Variants in FBXW11 observed in about 807,000 individuals in gnomAD.
FBXW11 encodes the protein F-box/WD repeat-containing protein 11.
In FBXW11, 19 loss-of-function variants were observed where a neutral mutation model predicts 77.6. The observed-to-expected ratio is 0.24, with a 90% CI of 0.17 to 0.36. The LOEUF (loss-of-function observed/expected upper bound fraction) is 0.36. Among genes scored for constraint, FBXW11 ranks in the 10% least tolerant of loss-of-function variants. FBXW11 has a pLI of 1.00. For missense variants in FBXW11, 334 were observed against 704.2 expected (o/e 0.47, Z 5.95); for synonymous variants, 235 against 249.4 (o/e 0.94, Z 0.54).
chr5:171,873,020 A>C, intron 9 of FBXW11, 30 bp from the exon 10 acceptor site: 1 of 1,567,880 alleles, frequency 6.4e-7, no homozygotes, highest in Non-Finnish European at 8.8e-7. Flanking sequence ...TATTTTAAAG[A>C]ATGAACACAG....
At chr5:171,930,387 A>C (rs547150070) in intron 2 of FBXW11, among the ~76,000 whole-genome samples, 2 of 152,260 alleles carry the variant, frequency 1.3e-5, no homozygotes, top group African/African-American at 4.8e-5. Flanking sequence ...GTTCCCTCTC[A>C]ACACTGGTTT....
intron 4 of FBXW11, among the ~76,000 whole-genome samples, chr5:171,902,811 T>C (rs184558856): frequency 6.6e-6 from 1 of 152,344 alleles, no homozygotes; most frequent in East Asian, 1.9e-4. Context: ...CCTACTTGTC[T>C]ATAGGAGCTA....
intron 2 of FBXW11, among the ~76,000 whole-genome samples, chr5:171,938,875 T>C (rs1176237820): frequency 6.6e-6 from 1 of 152,222 alleles, no homozygotes; most frequent in Non-Finnish European, 1.5e-5. Flanking sequence ...ACTTTCAGTA[T>C]ACACCTTTAG....
chr5:171,881,690 CAGT>C (rs1417614452), intron 7 of FBXW11, among the ~76,000 whole-genome samples: 8 of 152,142 alleles, frequency 5.3e-5, no homozygotes, highest in African/African-American at 1.9e-4. Context: ...CAGAATTCAC[CAGT>C]AACTCATCTG....
At chr5:171,945,592 T>C (rs1359991036) in intron 2 of FBXW11, among the ~76,000 whole-genome samples, 1 of 152,214 alleles carries the variant, frequency 6.6e-6, no homozygotes, top group Non-Finnish European at 1.5e-5. Context: ...ACTCATTAAC[T>C]GTAAGTTCCC....
At chr5:171,976,915 G>C (rs1488710639) in intron 1 of FBXW11, among the ~76,000 whole-genome samples, 4 of 151,924 alleles carry the variant, frequency 2.6e-5, no homozygotes, top group African/African-American at 9.7e-5. Context: ...GTGTGGTGGT[G>C]CATGTCTGTA....
At chr5:171,967,760 A>G (rs1458602137) in intron 1 of FBXW11, among the ~76,000 whole-genome samples, 1 of 149,764 alleles carries the variant, frequency 6.7e-6, no homozygotes. Flanking sequence ...AATCGCTTGA[A>G]CCCGGGAGGC....
rs147254233 is a variant in FBXW11 at position 171,914,840 on chromosome 5, C to T, written c.148-435G>A. ...ATTAGAAGTAGCAAAGCCTTGGAAG[C>T]CCCCCTGCCTTCGTCTTTCCTCCCC... is the stretch of plus-strand genomic sequence containing the variant. On this transcript the variant is annotated intron_variant, in intron 2 of 13. Coordinates refer to ENST00000517395, the MANE Select transcript of FBXW11 (RefSeq NM_001378974.1). Among the ~76,000 whole-genome samples, 299 of 152,260 alleles carry T rather than the reference C, an allele frequency of 2.0e-3. 2 individuals carry two copies. Among genetic ancestry groups the T allele is most frequent in the East Asian group, 0.017 (86 of 5,186 alleles).
chr5:171,921,729 A>G (rs1229321751), intron 2 of FBXW11, among the ~76,000 whole-genome samples: 1 of 152,192 alleles, frequency 6.6e-6, no homozygotes, highest in Non-Finnish European at 1.5e-5. Flanking sequence ...TCTGAAAAGC[A>G]AGATTCAAAA....
Position 171,885,814 on chromosome 5 carries a change from G to C in FBXW11, c.852+5653C>G, listed in dbSNP as rs549985667. On this transcript the variant is annotated intron_variant, in intron 7 of 13. Coordinates refer to ENST00000517395, the MANE Select transcript of FBXW11 (RefSeq NM_001378974.1). ...TGAACAAGATTTTATAAATGAGGTA[G>C]ACACTGAAATATAATATCTACAATA... Among the ~76,000 whole-genome samples, 59 of 152,324 alleles carry C rather than the reference G, an allele frequency of 3.9e-4. 3 individuals carry two copies. In the South Asian group the frequency reaches 0.011, roughly 28 times the overall value.
chr5:171,917,766 CTGTGTGTGTGTGTG>C (rs60601173), intron 2 of FBXW11, among the ~76,000 whole-genome samples: 1 of 147,462 alleles, frequency 6.8e-6, no homozygotes, highest in African/African-American at 2.5e-5. Flanking sequence ...TAGACTCACT[CTGTGTGTGTGTGTG>C]TGTGTGTGTG....
chr5:171,892,212 G>T (rs1270052589), intron 6 of FBXW11, among the ~76,000 whole-genome samples: 1 of 152,134 alleles, frequency 6.6e-6, no homozygotes, highest in Admixed American at 6.5e-5. Flanking sequence ...AGGATAAAAA[G>T]ATCAACAGGA....
At chr5:171,880,437 T>TTA (rs1758423888) in intron 7 of FBXW11, among the ~76,000 whole-genome samples, 1 of 152,174 alleles carries the variant, frequency 6.6e-6, no homozygotes, top group Non-Finnish European at 1.5e-5. Context: ...CATATAAACA[T>TTA]TACAGTCAGC....
At chr5:172,001,778 A>G (rs1005580122) in intron 1 of FBXW11, among the ~76,000 whole-genome samples, 1 of 152,264 alleles carries the variant, frequency 6.6e-6, no homozygotes, top group Non-Finnish European at 1.5e-5. Context: ...GGACTTCATT[A>G]GCATAAATGA....
chr5:171,995,395 A>T (rs1765976056), intron 1 of FBXW11, among the ~76,000 whole-genome samples: 1 of 152,190 alleles, frequency 6.6e-6, no homozygotes, highest in Non-Finnish European at 1.5e-5. Context: ...AACTGACTGA[A>T]GATCTGATTT....
At chr5:171,954,549 T>G (rs1214280499) in intron 2 of FBXW11, among the ~76,000 whole-genome samples, 1 of 152,252 alleles carries the variant, frequency 6.6e-6, no homozygotes, top group African/African-American at 2.4e-5. Flanking sequence ...GATTATTTGC[T>G]ATAACAATCA....
At chr5:171,927,414 TCAAAC>T (rs1761953333) in intron 2 of FBXW11, among the ~76,000 whole-genome samples, 1 of 152,150 alleles carries the variant, frequency 6.6e-6, no homozygotes, top group African/African-American at 2.4e-5. Flanking sequence ...TTAACTCACT[TCAAAC>T]CAAGGAAGAA....
At chr5:171,924,693 CCAGGAGCCGTGGGCCAGAG>C (rs1761791206) in intron 2 of FBXW11, among the ~76,000 whole-genome samples, 2 of 152,194 alleles carry the variant, frequency 1.3e-5, no homozygotes, top group Admixed American at 6.5e-5. Context: ...CCAGGCCAGC[CCAGGAGCCGTGGGCCAGAG>C]CAGGGCGACA....
chr5:171,913,031 A>AACAC (rs1409484348), intron 3 of FBXW11, among the ~76,000 whole-genome samples: 1 of 152,192 alleles, frequency 6.6e-6, no homozygotes, highest in Non-Finnish European at 1.5e-5. Flanking sequence ...TGACAAGGGG[A>AACAC]ACACACCATG....
Sources: gnomAD v4.1 joint callset for allele counts (sites outside exome capture counted in the v4.1 genomes callset) on GRCh38, gnomAD v4.1.1 for gene constraint, MANE v1.5 for transcripts, NCBI Gene and HGNC (gene_info 2026-07-23, HGNC 2026-07-21) for gene names.